The following ATG2B variants were observed in gnomAD, a reference collection of about 807,000 sequenced individuals.
ATG2B encodes autophagy-related protein 2 homolog B.
In ATG2B, 121 loss-of-function variants were observed where a neutral mutation model predicts 241.3. The observed-to-expected ratio is 0.50, with a 90% CI of 0.43 to 0.58. ATG2B has a LOEUF of 0.58. Ranked by LOEUF, ATG2B falls within the 20% of genes least tolerant of loss-of-function variation. The probability of loss-of-function intolerance (pLI) is 0.00; values close to 1 mark genes in which losing one functional copy is unlikely to be tolerated. For synonymous variants in ATG2B, 858 were observed against 876.6 expected, an observed-to-expected ratio of 0.98 and a Z score of 0.37; for missense variants, 2,306 against 2,491.6, an observed-to-expected ratio of 0.93 and a Z score of 1.59.
intron 34 of ATG2B, 33 bp downstream of exon 34, chr14:96,301,974 T>C: frequency 6.7e-7 from 1 of 1,486,146 alleles, no homozygotes. Flanking sequence ...CTAATCTAAC[T>C]GTAACGGCAG....
Position 96,304,661 on chromosome 14 carries a change from C to A in ATG2B, c.4734-58G>T. On this transcript the variant is annotated intron_variant, in intron 31 of 41. Coordinates refer to ENST00000359933, the MANE Select transcript of ATG2B (RefSeq NM_018036.7). ...TGTTAAAGGAATATTCAAAGAAAGT[C>A]AATGAATGACATTAAGGAAAATGAT... The A allele has an allele frequency of 3.2e-6, 4 of 1,267,172 alleles. No individual in the cohort carries two copies. The South Asian group carries it at 3.9e-5, about 12-fold the overall frequency. The allele number at this position is 1,267,172 out of a possible 1,614,324, so 78.5% of individuals were successfully genotyped here.
In ATG2B at chr14:96,284,318, T is replaced by C; in HGVS notation, c.*1437A>G. 1 of 152,184 alleles carries C rather than the reference T, an allele frequency of 6.6e-6. No homozygotes were observed. Among genetic ancestry groups the C allele is most frequent in the East Asian group, 1.9e-4 (1 of 5,200 alleles). 9.4% of individuals were successfully genotyped at this position (152,184 alleles called of 1,614,324 possible). A position where few individuals can be genotyped will look rare whatever the true frequency, so the allele number is the denominator to read the frequency against. On this transcript the variant is annotated 3_prime_UTR_variant, in exon 42 of 42. Coordinates refer to ENST00000359933, the MANE Select transcript of ATG2B (RefSeq NM_018036.7). ...AGTTTTTTGGCAGTAAAAAGGAAAC[T>C]AAAATTAAAAGCTATATAACCCCAT... is the stretch of plus-strand genomic sequence containing the variant.
intron 34 of ATG2B, among the ~76,000 whole-genome samples, 167 bp from the exon 35 acceptor site, chr14:96,295,727 C>CACACACACACA (rs148889627): frequency 6.9e-6 from 1 of 145,756 alleles, no homozygotes; most frequent in Admixed American, 6.8e-5. Context: ...CTTCCCCCCA[C>CACACACACACA]CACACACACA....
chr14:96,324,696 C>T (rs376936552), intron 15 of ATG2B, among the ~76,000 whole-genome samples: 6 of 152,174 alleles, frequency 3.9e-5, no homozygotes, highest in Middle Eastern at 3.4e-3. Context: ...AAATTCTATA[C>T]GTGTTTTTTC....
intron 22 of ATG2B, 73 bp from the exon 23 acceptor site, chr14:96,315,307 A>G: frequency 6.3e-7 from 1 of 1,585,444 alleles, no homozygotes; most frequent in Non-Finnish European, 8.6e-7. Flanking sequence ...TTCCAAGAAA[A>G]TAAATATGTT....
chr14:96,361,784 T>C (rs1232323834), intron 1 of ATG2B, among the ~76,000 whole-genome samples: 2 of 152,140 alleles, frequency 1.3e-5, no homozygotes, highest in African/African-American at 4.8e-5. Context: ...CAGGGCTCTT[T>C]CCACTATCTT....
chr14:96,342,805 A>C (rs2139894879), intron 5 of ATG2B, among the ~76,000 whole-genome samples: 1 of 152,102 alleles, frequency 6.6e-6, no homozygotes, highest in East Asian at 1.9e-4. Flanking sequence ...CATTATGTCT[A>C]TAAAAATATT....
intron 18 of ATG2B, among the ~76,000 whole-genome samples, chr14:96,319,168 A>G (rs1251836727): frequency 6.6e-6 from 1 of 152,224 alleles, no homozygotes; most frequent in Admixed American, 6.5e-5. Flanking sequence ...GAAGGTGTAC[A>G]CCAGGACTGA....
At chr14:96,318,630 A>C (rs1887379140) in intron 18 of ATG2B, among the ~76,000 whole-genome samples, 1 of 152,176 alleles carries the variant, frequency 6.6e-6, no homozygotes, top group Non-Finnish European at 1.5e-5. Context: ...GACTAGCGAG[A>C]CTAGCCCAAT....
chr14:96,322,450 A>C, intron 17 of ATG2B, 90 bp downstream of exon 17: 1 of 1,394,516 alleles, frequency 7.2e-7, no homozygotes, highest in Non-Finnish European at 9.6e-7. Flanking sequence ...ACAGTACACA[A>C]GGCATTTTTT....
chr14:96,316,574 T>C lies in ATG2B; in HGVS notation c.3320A>G (p.Tyr1107Cys), dbSNP rs757068689. The C allele has an allele frequency of 2.5e-6, 4 of 1,613,664 alleles. No individual in the cohort carries two copies. Among genetic ancestry groups the C allele is most frequent in the African/African-American group, 2.7e-5 (2 of 74,934 alleles). ...TKYEGFDDKH[Y>C]ICLHSSSFSL... The stretch of plus-strand genomic sequence containing the variant: ...GAAACTGCTAGAATGAAGGCAAATG[T>C]AGTGCTTGTCATCAAAACCTTCATA... Residue 1107 changes from tyrosine to cysteine, a missense_variant, in exon 21 of 42, where the codon TAC (tyrosine) becomes TGC (cysteine). Transcript: ENST00000359933.
At chr14:96,299,272 C>T (rs1040031201) in intron 34 of ATG2B, among the ~76,000 whole-genome samples, 5 of 152,160 alleles carry the variant, frequency 3.3e-5, no homozygotes, top group African/African-American at 1.2e-4. Context: ...ATGTCACCAC[C>T]TCCAGAAAGC....
intron 20 of ATG2B, 88 bp downstream of exon 20, chr14:96,317,057 A>T: frequency 8.0e-7 from 1 of 1,255,062 alleles, no homozygotes. Context: ...TCAAAATATC[A>T]AATACTTCAA....
intron 1 of ATG2B, among the ~76,000 whole-genome samples, chr14:96,354,900 T>C (rs1479645085): frequency 1.3e-5 from 2 of 152,224 alleles, no homozygotes; most frequent in African/African-American, 4.8e-5. Context: ...GACAGTGATG[T>C]TGAGCTTTTT....
intron 27 of ATG2B, 56 bp from the exon 28 acceptor site, chr14:96,311,343 C>T (rs1323462215): frequency 2.6e-6 from 4 of 1,513,878 alleles, no homozygotes; most frequent in Non-Finnish European, 3.6e-6. Context: ...ACAAAAGTTT[C>T]TTTTTTTGCA....
At chr14:96,333,553 AGTT>A (rs1887794630) in intron 8 of ATG2B, 132 bp downstream of exon 8, 2 of 754,130 alleles carry the variant, frequency 2.7e-6, no homozygotes, top group Non-Finnish European at 4.2e-6. Flanking sequence ...GTAAATTAAA[AGTT>A]GTGGATTTCT....
chr14:96,323,981 T>C lies in ATG2B; in HGVS notation c.2455A>G (p.Lys819Glu). 1 of 1,603,664 alleles carries C rather than the reference T, an allele frequency of 6.2e-7. No homozygotes were observed. The highest frequency in any genetic ancestry group is 8.5e-7 in the Non-Finnish European group (1 of 1,176,208). Reference sequence around the variant, plus strand: ...AAAAACTTAATAGATGGATCTCCTTTCTCTTCCTGGAACGATCCTAAAAAA... The same window carrying C: ...AAAAACTTAATAGATGGATCTCCTTCCTCTTCCTGGAACGATCCTAAAAAA... ...RELIGSFQEE[K>E]GDPSIKFFHV... Residue 819 changes from lysine (K) to glutamate (E), a missense_variant, in exon 16 of 42, where the codon AAA becomes GAA. Lys to Glu is a moderately conservative substitution (Grantham distance 56). Around this residue, in one of 2 missense-constraint regions of ATG2B, gnomAD observed 1,927 missense variants for 2,011.2 expected, o/e 0.96. Coordinates refer to ENST00000359933, the MANE Select transcript of ATG2B (RefSeq NM_018036.7).
chr14:96,304,443 C>A (rs1014561738), intron 32 of ATG2B, 52 bp downstream of exon 32: 15 of 1,377,392 alleles, frequency 1.1e-5, no homozygotes, highest in Non-Finnish European at 1.5e-5. Flanking sequence ...AACAAAAGAA[C>A]CCCCCGCCAA....
At chr14:96,356,034 C>T (rs1490721014) in intron 1 of ATG2B, among the ~76,000 whole-genome samples, 3 of 151,674 alleles carry the variant, frequency 2.0e-5, no homozygotes, top group Non-Finnish European at 2.9e-5. Flanking sequence ...TGCCAGGCGT[C>T]GGGGTGGGAG....
Sources: gnomAD v4.1 joint callset for allele counts (sites outside exome capture counted in the v4.1 genomes callset) on GRCh38, gnomAD v4.1.1 for gene constraint, gnomAD v4.1.1 regional missense constraint, MANE v1.5 for transcripts, NCBI Gene and HGNC (gene_info 2026-07-23, HGNC 2026-07-21) for gene names.